The following SLC9A9 variants were observed in gnomAD, a reference collection of about 807,000 sequenced individuals.
SLC9A9 encodes sodium/hydrogen exchanger 9.
Under a neutral mutation model 77.8 loss-of-function variants are expected in SLC9A9, and 62 were observed. The ratio of observed to expected loss-of-function variants is 0.80; its 90% CI spans 0.65 to 0.98. SLC9A9 has a LOEUF of 0.98. Among genes scored for constraint, SLC9A9 ranks in the 50% least tolerant of loss-of-function variants. SLC9A9 has a pLI of 0.00. For missense variants in SLC9A9, 775 were observed against 774.9 expected (o/e 1.00, Z 0.00); for synonymous variants, 320 against 283.5 (o/e 1.13, Z -1.29).
chr3:143,722,245 G>A (rs943596185), intron 4 of SLC9A9, among the ~76,000 whole-genome samples: 3 of 151,972 alleles, frequency 2.0e-5, no homozygotes, highest in Non-Finnish European at 2.9e-5. Flanking sequence ...AGGCCGAGGC[G>A]GGCGGATCAC....
At chr3:143,453,088 C>T (rs1324178860) in intron 12 of SLC9A9, among the ~76,000 whole-genome samples, 1 of 151,870 alleles carries the variant, frequency 6.6e-6, no homozygotes, top group Non-Finnish European at 1.5e-5. Flanking sequence ...AAGGGCATAT[C>T]GATATTTATT....
At chr3:143,454,960 T>C (rs1576509441) in intron 12 of SLC9A9, among the ~76,000 whole-genome samples, 1 of 152,200 alleles carries the variant, frequency 6.6e-6, no homozygotes, top group African/African-American at 2.4e-5. Context: ...TCTCTTCTTA[T>C]AAAAAGGTTC....
chr3:143,651,990 C>CT (rs5853119), intron 6 of SLC9A9, among the ~76,000 whole-genome samples: 109,436 of 152,008 alleles, frequency 0.72, 39,771 homozygotes, highest in African/African-American at 0.83. Context: ...TTTTAGGAAC[C>CT]TAAGTGAATC....
intron 8 of SLC9A9, among the ~76,000 whole-genome samples, chr3:143,567,601 G>C (rs868221269): frequency 6.6e-6 from 1 of 152,152 alleles, no homozygotes; most frequent in Admixed American, 6.6e-5. Context: ...ATAAAACCAA[G>C]TTCTTGTATG....
chr3:143,421,961 T>C (rs1051160828), intron 12 of SLC9A9, among the ~76,000 whole-genome samples: 2 of 151,990 alleles, frequency 1.3e-5, no homozygotes, highest in Non-Finnish European at 2.9e-5. Flanking sequence ...GAGAAGACAT[T>C]CAAGTGGACA....
chr3:143,752,443 T>C (rs1322176183), intron 4 of SLC9A9, among the ~76,000 whole-genome samples: 1 of 152,196 alleles, frequency 6.6e-6, no homozygotes, highest in Non-Finnish European at 1.5e-5. Context: ...TGTGCTTTCC[T>C]GACCAGTGAA....
At chr3:143,424,270 C>CTT (rs1271784555) in intron 12 of SLC9A9, among the ~76,000 whole-genome samples, 1 of 90,554 alleles carries the variant, frequency 1.1e-5, no homozygotes, top group African/African-American at 5.0e-5. Flanking sequence ...ATACTTGAAA[C>CTT]CTTTTTTTTT....
In SLC9A9 at chr3:143,714,517, T is replaced by C. The variant is rs78954259; in HGVS notation, c.534-21210A>G. 6.0e-3 allele frequency among the ~76,000 whole-genome samples: 913 copies of C among 152,366 alleles called. 13 individuals carry two copies. Among genetic ancestry groups the C allele is most frequent in the African/African-American group, 0.021 (861 of 41,588 alleles). Reference sequence around the variant, plus strand: ...TCTCTAGCTGTTGAAACAGTCTCCCTGTATCTCACTTCCCACCAATGTGTA... The same window carrying C: ...TCTCTAGCTGTTGAAACAGTCTCCCCGTATCTCACTTCCCACCAATGTGTA... On this transcript the variant is annotated intron_variant, in intron 4 of 15. Coordinates refer to ENST00000316549, the MANE Select transcript of SLC9A9 (RefSeq NM_173653.4).
At chr3:143,730,588 G>T (rs1934775242) in intron 4 of SLC9A9, among the ~76,000 whole-genome samples, 1 of 152,102 alleles carries the variant, frequency 6.6e-6, no homozygotes, top group Non-Finnish European at 1.5e-5. Flanking sequence ...CTCACTCTTT[G>T]TTGCCAAGAT....
chr3:143,307,353 G>A (rs2030832873), intron 14 of SLC9A9, among the ~76,000 whole-genome samples: 1 of 152,204 alleles, frequency 6.6e-6, no homozygotes, highest in Non-Finnish European at 1.5e-5. Context: ...ACAGTGACTG[G>A]CTTATAATAG....
chr3:143,808,798 T>C (rs2008790295), intron 2 of SLC9A9, among the ~76,000 whole-genome samples: 1 of 152,160 alleles, frequency 6.6e-6, no homozygotes, highest in African/African-American at 2.4e-5. Context: ...AATTCTAAGA[T>C]GGTTATAAGA....
rs184378170 is a variant in SLC9A9 at position 143,773,674 on chromosome 3, G to A, written c.533+21327C>T. Among the ~76,000 whole-genome samples the A allele has an allele frequency of 3.2e-3, 488 of 152,120 alleles. 5 individuals are homozygous for A. The highest frequency in any genetic ancestry group is 0.011 in the African/African-American group (463 of 41,494). On this transcript the variant is annotated intron_variant, in intron 4 of 15. Coordinates refer to ENST00000316549, the MANE Select transcript of SLC9A9 (RefSeq NM_173653.4). Reference sequence around the variant, plus strand: ...TAATTTTGTATGTTTAGTAGAGACGGGGTTTCACCATGCTGGTCAGGCTGG... The same window carrying A: ...TAATTTTGTATGTTTAGTAGAGACGAGGTTTCACCATGCTGGTCAGGCTGG...
intron 4 of SLC9A9, among the ~76,000 whole-genome samples, chr3:143,720,263 A>G (rs1934464063): frequency 6.6e-6 from 1 of 150,764 alleles, no homozygotes; most frequent in African/African-American, 2.4e-5. Context: ...TTTTTTTCAC[A>G]TTTGGGTTCT....
intron 2 of SLC9A9, among the ~76,000 whole-genome samples, chr3:143,805,184 A>G (rs149826749): frequency 6.3e-4 from 96 of 152,072 alleles, no homozygotes; most frequent in African/African-American, 2.3e-3. Context: ...TGGACCTTGT[A>G]TCTTCCATTT....
At chr3:143,346,367 C>A (rs1380222054) in intron 14 of SLC9A9, among the ~76,000 whole-genome samples, 1 of 152,168 alleles carries the variant, frequency 6.6e-6, no homozygotes, top group East Asian at 1.9e-4. Flanking sequence ...AAAGGCTGAG[C>A]TAACTGCTAG....
chr3:143,431,325 A>AT (rs939451712), intron 12 of SLC9A9, among the ~76,000 whole-genome samples: 1 of 151,996 alleles, frequency 6.6e-6, no homozygotes, highest in African/African-American at 2.4e-5. Flanking sequence ...TTATTTGTTG[A>AT]TTTTCCCAGA....
intron 13 of SLC9A9, among the ~76,000 whole-genome samples, chr3:143,374,689 G>A (rs2033141641): frequency 6.6e-6 from 1 of 151,948 alleles, no homozygotes; most frequent in South Asian, 2.1e-4. Flanking sequence ...GGGTACATGA[G>A]ATGTTTTGAT....
At chr3:143,329,935 T>C (rs2031716992) in intron 14 of SLC9A9, among the ~76,000 whole-genome samples, 1 of 152,246 alleles carries the variant, frequency 6.6e-6, no homozygotes, top group African/African-American at 2.4e-5. Context: ...TTGTATTTTT[T>C]TCTCCATGAT....
chr3:143,658,471 T>G (rs1170973681), intron 5 of SLC9A9, among the ~76,000 whole-genome samples: 1 of 152,240 alleles, frequency 6.6e-6, no homozygotes, highest in African/African-American at 2.4e-5. Context: ...TTGGTATACA[T>G]GTAGGGGATT....
Sources: allele counts gnomAD v4.1 joint callset (sites outside exome capture counted in the v4.1 genomes callset), GRCh38; gene constraint gnomAD v4.1.1; transcripts MANE v1.5; gene names NCBI Gene and HGNC (gene_info 2026-07-23, HGNC 2026-07-21).